The following FAM227A variants were observed in gnomAD, a reference collection of about 807,000 sequenced individuals.
FAM227A encodes protein FAM227A.
Under a neutral mutation model 74.7 loss-of-function variants are expected in FAM227A, and 80 were observed. The ratio of observed to expected loss-of-function variants is 1.07; its 90% CI spans 0.89 to 1.29. The LOEUF is 1.29. Among genes scored for constraint, FAM227A ranks in the 50% most tolerant of loss-of-function variants. The pLI is 0.00. For synonymous variants in FAM227A, 237 were observed against 241.8 expected (o/e 0.98, Z 0.19); for missense variants, 654 against 683.4 (o/e 0.96, Z 0.48).
At chr22:38,628,432 T>A (rs1395462366) in intron 7 of FAM227A, 90 bp from the exon 8 acceptor site, 1 of 782,998 alleles carries the variant, frequency 1.3e-6, no homozygotes. Context: ...ATTGTTTTCA[T>A]TTCCAAGAAT....
chr22:38,611,926 G>A lies in FAM227A; in HGVS notation c.1039-4450C>T, dbSNP rs137924669. ...AGCTTTCCACTAACCCAAACCCTAC[G>A]CTGTCCATCTCAGTAAATGGCACCA... On this transcript the variant is annotated intron_variant, in intron 11 of 16. Transcript: ENST00000535113. Among the ~76,000 whole-genome samples, 175 of 152,102 alleles carry A rather than the reference G, an allele frequency of 1.2e-3. 1 individual carries two copies. The highest frequency in any genetic ancestry group is 3.8e-3 in the Admixed American group (58 of 15,256).
At chr22:38,613,692 A>G (rs1187143241) in intron 11 of FAM227A, among the ~76,000 whole-genome samples, 1 of 151,446 alleles carries the variant, frequency 6.6e-6, no homozygotes. Flanking sequence ...TCTAGGTACC[A>G]CCCTTGTATA....
intron 8 of FAM227A, among the ~76,000 whole-genome samples, chr22:38,627,516 C>T (rs1037769178): frequency 6.6e-6 from 1 of 151,482 alleles, no homozygotes; most frequent in Non-Finnish European, 1.5e-5. Context: ...TGCAGTGAGT[C>T]GAGATCATAC....
intron 10 of FAM227A, among the ~76,000 whole-genome samples, chr22:38,622,730 G>C (rs894281242): frequency 2.6e-5 from 4 of 151,920 alleles, no homozygotes; most frequent in African/African-American, 9.7e-5. Context: ...ACAAAAATTA[G>C]CTGGGCGTGG....
chr22:38,625,448 G>A (rs1479542402), intron 9 of FAM227A, among the ~76,000 whole-genome samples: 1 of 151,954 alleles, frequency 6.6e-6, no homozygotes, highest in Non-Finnish European at 1.5e-5. Context: ...GTGTGTGCTG[G>A]AGGGAGAGAA....
rs2090715255 is a variant in FAM227A at position 38,582,113 on chromosome 22, T to C, written c.*4012A>G. 3.9e-6 allele frequency: 2 copies of C among 516,952 alleles called. No individual in the cohort carries two copies. Among genetic ancestry groups the C allele is most frequent in the Middle Eastern group, 5.1e-4 (1 of 1,956 alleles). 32.0% of individuals were successfully genotyped at this position (516,952 alleles called of 1,614,324 possible). ...AGAAACTGCACACATTTAAAGTGTA[T>C]TTAGGTGTGTATACACCCATGAGCC... On this transcript the variant is annotated 3_prime_UTR_variant, in exon 17 of 17. Transcript: ENST00000535113.
chr22:38,645,606 A>G lies in FAM227A; in HGVS notation c.182T>C (p.Ile61Thr), dbSNP rs1569240278. The change falls in exon 3 of 17, where the codon ATT becomes ACT. Residue 61 changes from isoleucine to threonine, a missense_variant. Transcript: ENST00000535113. ...IGSMHQVNQK[I>T]ADINLRTEPS... ...CTCGGTACGCAGATTTATGTCAGCA[A>G]TCTTTTGGTTCACCTGGTGCATGGA... The G allele has an allele frequency of 6.4e-7, 1 of 1,551,404 alleles. No homozygotes were observed. The highest frequency in any genetic ancestry group is 8.7e-7 in the Non-Finnish European group (1 of 1,146,896).
chr22:38,611,220 T>G (rs1455977894), intron 11 of FAM227A, among the ~76,000 whole-genome samples: 2 of 152,162 alleles, frequency 1.3e-5, no homozygotes, highest in African/African-American at 4.8e-5. Flanking sequence ...GATGGAAGTG[T>G]TCCAGCCCAC....
At chr22:38,618,950 AT>A (rs1184129353) in intron 11 of FAM227A, among the ~76,000 whole-genome samples, 2 of 125,208 alleles carry the variant, frequency 1.6e-5, no homozygotes, top group South Asian at 2.4e-4. Flanking sequence ...CTGCCCTGGG[AT>A]TTTTTTTTCC....
chr22:38,586,303 G>A, intron 16 of FAM227A, 104 bp from the exon 17 acceptor site: 1 of 1,296,534 alleles, frequency 7.7e-7, no homozygotes, highest in South Asian at 1.4e-5. Context: ...TGATCCTTGT[G>A]TGCATGGAAT....
Position 38,580,476 on chromosome 22 carries a change from C to T in FAM227A, c.*5649G>A, listed in dbSNP as rs2090697443. ...TTTGTAAGACTATTTGATAGGTGGTCTTATGGTCTAGTATCAAAAGGCATT... is the reference window on the plus strand; with the variant it reads ...TTTGTAAGACTATTTGATAGGTGGTTTTATGGTCTAGTATCAAAAGGCATT... On this transcript the variant is annotated 3_prime_UTR_variant, in exon 17 of 17. Transcript: ENST00000535113. The T allele has an allele frequency of 1.3e-5, 2 of 152,116 alleles. No homozygotes were observed. Among genetic ancestry groups the T allele is most frequent in the African/African-American group, 4.8e-5 (2 of 41,408 alleles). The allele number at this position is 152,116 out of a possible 1,614,324, so 9.4% of individuals were successfully genotyped here. A position where few individuals can be genotyped will look rare whatever the true frequency, so the allele number is the denominator to read the frequency against.
chr22:38,605,297 C>G lies in FAM227A; in HGVS notation c.1178G>C (p.Arg393Thr). The G allele has an allele frequency of 2.6e-6, 4 of 1,551,184 alleles. No individual in the cohort carries two copies. The highest frequency in any genetic ancestry group is 3.5e-6 in the Non-Finnish European group (4 of 1,146,196). ...CTCACATTCTCTTGCTTCTGATATC[C>G]TCTTGACTTCTTGCGTAGGTTTCTT... ...VLKKPTQEVK[R>T]ISEARECENM... The change falls in exon 13 of 17, where the codon AGG becomes ACG. Residue 393 changes from arginine (R) to threonine (T), a missense_variant. Physicochemically the swap from Arg to Thr is moderately conservative, Grantham distance 71 (BLOSUM62 -1). Transcript: ENST00000535113.
intron 15 of FAM227A, among the ~76,000 whole-genome samples, chr22:38,593,275 C>T (rs1449539153): frequency 6.6e-6 from 1 of 152,218 alleles, no homozygotes; most frequent in Non-Finnish European, 1.5e-5. Context: ...GAGGCTGAGG[C>T]AGGCAGATTA....
At position 38,578,219 on chromosome 22, in the gene FAM227A, A is replaced by T. The variant is rs992593570; in HGVS notation, c.*7906T>A. 1 of 152,172 alleles carries T rather than the reference A, an allele frequency of 6.6e-6. No individual in the cohort carries two copies. Among genetic ancestry groups the T allele is most frequent in the Non-Finnish European group, 1.5e-5 (1 of 68,032 alleles). The allele number at this position is 152,172 out of a possible 1,614,324, so 9.4% of individuals were successfully genotyped here. Reference sequence around the variant, plus strand: ...TACATTTGTTCACACCAACATCACCACAAACACGTGACTAATGCGTTACGC... The same window carrying T: ...TACATTTGTTCACACCAACATCACCTCAAACACGTGACTAATGCGTTACGC... On this transcript the variant is annotated 3_prime_UTR_variant, in exon 17 of 17. Coordinates refer to ENST00000535113, the MANE Select transcript of FAM227A (RefSeq NM_001013647.2).
At chr22:38,596,542 T>C (rs1161835648) in intron 15 of FAM227A, among the ~76,000 whole-genome samples, 1 of 152,120 alleles carries the variant, frequency 6.6e-6, no homozygotes, top group Non-Finnish European at 1.5e-5. Flanking sequence ...TGGGACCCTG[T>C]CTCTAAAAAT....
chr22:38,626,046 T>C (rs1194247655), intron 9 of FAM227A, 134 bp downstream of exon 9: 1 of 884,102 alleles, frequency 1.1e-6, no homozygotes, highest in Non-Finnish European at 1.7e-6. Context: ...TACTTTGCTC[T>C]CTTTAATGTT....
At chr22:38,626,905 T>TATAC (rs1236811576) in intron 8 of FAM227A, among the ~76,000 whole-genome samples, 3 of 106,834 alleles carry the variant, frequency 2.8e-5, no homozygotes, top group African/African-American at 1.1e-4. Context: ...TATATATATA[T>TATAC]ATATATATAC....
At position 38,578,439 on chromosome 22, in the gene FAM227A, C is replaced by G. The variant is rs147558555; in HGVS notation, c.*7686G>C. Reference sequence around the variant, plus strand: ...TTTGGGCTTTCTCATTTTTTCAGTCCAAATTTGAAAAACTTTTTAACTTCA... The same window carrying G: ...TTTGGGCTTTCTCATTTTTTCAGTCGAAATTTGAAAAACTTTTTAACTTCA... On this transcript the variant is annotated 3_prime_UTR_variant, in exon 17 of 17. Transcript: ENST00000535113. 6.6e-6 allele frequency: 1 copy of G among 152,168 alleles called. No homozygotes were observed. Among genetic ancestry groups the G allele is most frequent in the African/African-American group, 2.4e-5 (1 of 41,516 alleles). 9.4% of individuals were successfully genotyped at this position (152,168 alleles called of 1,614,324 possible).
chr22:38,590,174 G>C (rs1207578908), intron 16 of FAM227A, among the ~76,000 whole-genome samples: 3 of 151,742 alleles, frequency 2.0e-5, no homozygotes. Context: ...AGCTACTCAG[G>C]GAGGCTGAGG....
Sources: gnomAD v4.1 joint callset for allele counts (sites outside exome capture counted in the v4.1 genomes callset) on GRCh38, gnomAD v4.1.1 for gene constraint, MANE v1.5 for transcripts, NCBI Gene and HGNC (gene_info 2026-07-23, HGNC 2026-07-21) for gene names.